MAD1L1: variants seen among roughly 807,000 people sequenced by gnomAD.
MAD1L1 encodes mitotic arrest deficient 1 like 1, also known as mitotic spindle assembly checkpoint protein MAD1.
In MAD1L1, 95 loss-of-function variants were observed where a neutral mutation model predicts 96.9. That is an observed-to-expected ratio of 0.98 (90% CI 0.83 to 1.16). MAD1L1 has a LOEUF of 1.16. MAD1L1 is among the 50% of genes most tolerant of loss of function. The probability of loss-of-function intolerance (pLI) is 0.00; values close to 1 mark genes in which losing one functional copy is unlikely to be tolerated. For synonymous variants in MAD1L1, 473 were observed against 396.6 expected, an observed-to-expected ratio of 1.19 and a Z score of -2.29; for missense variants, 1,007 against 954.4, an observed-to-expected ratio of 1.06 and a Z score of -0.73.
At chr7:1,824,409 C>T (rs1438056177) in intron 18 of MAD1L1, among the ~76,000 whole-genome samples, 2 of 152,140 alleles carry the variant, frequency 1.3e-5, no homozygotes, top group Non-Finnish European at 2.9e-5. Flanking sequence ...AAGTCAGGTG[C>T]GTAAAATCAC....
Position 1,887,772 on chromosome 7 carries a change from C to T in MAD1L1, c.1998+10428G>A, listed in dbSNP as rs991636420. On this transcript the variant is annotated intron_variant, in intron 18 of 18. Coordinates refer to ENST00000265854, the MANE Select transcript of MAD1L1 (RefSeq NM_001013836.2). ...ATGTGTCCATGTGTGCATGTGGCTG[C>T]CTGTGTGTGTGCATGTGTGCATGTA... 1.2e-4 allele frequency among the ~76,000 whole-genome samples: 15 copies of T among 125,584 alleles called. No homozygotes were observed. The South Asian group carries it at 2.6e-3, about 22-fold the overall frequency. 82.4% of individuals were successfully genotyped at this position (125,584 alleles called of 152,430 possible). A position where few individuals can be genotyped will look rare whatever the true frequency, so the allele number is the denominator to read the frequency against.
rs141336578 is a variant in MAD1L1 at position 1,968,193 on chromosome 7, C to T, written c.1506-10474G>A. Reference sequence around the variant, plus strand: ...CGCGGACGAGGCACCCGGCAGAGCACGCCTCAATCCGGCGGTCAGGTCCAC... The same window carrying T: ...CGCGGACGAGGCACCCGGCAGAGCATGCCTCAATCCGGCGGTCAGGTCCAC... On this transcript the variant is annotated intron_variant, in intron 15 of 18. Transcript: ENST00000265854. The surrounding 1 kb of genome is among the most constrained non-coding windows in gnomAD (Gnocchi z 5.6). Among the ~76,000 whole-genome samples, 379 of 152,350 alleles carry T rather than the reference C, an allele frequency of 2.5e-3. No individual in the cohort carries two copies. Among genetic ancestry groups the T allele is most frequent in the South Asian group, 0.013 (63 of 4,826 alleles).
At chr7:2,174,169 G>C (rs1381941289) in intron 10 of MAD1L1, among the ~76,000 whole-genome samples, 1 of 152,212 alleles carries the variant, frequency 6.6e-6, no homozygotes, top group Non-Finnish European at 1.5e-5. Context: ...TGTGCCTTTA[G>C]TCTGCTCTCT....
intron 4 of MAD1L1, among the ~76,000 whole-genome samples, chr7:2,225,126 A>G (rs566797137): frequency 3.9e-5 from 6 of 152,292 alleles, no homozygotes; most frequent in Non-Finnish European, 8.8e-5. Flanking sequence ...TACCTGCCCC[A>G]CAGCATGAGT....
chr7:1,929,634 C>G (rs1208805057), intron 17 of MAD1L1, among the ~76,000 whole-genome samples: 1 of 152,056 alleles, frequency 6.6e-6, no homozygotes, highest in East Asian at 1.9e-4. Flanking sequence ...GGTCTGGGGC[C>G]CACACCAGAG....
chr7:1,831,831 G>GCACTGAATATTTTAAGCC (rs1336716110), intron 18 of MAD1L1, among the ~76,000 whole-genome samples: 1 of 152,194 alleles, frequency 6.6e-6, no homozygotes, highest in African/African-American at 2.4e-5. Flanking sequence ...GTAGCACAGT[G>GCACTGAATATTTTAAGCC]CACTGAATAT....
intron 10 of MAD1L1, among the ~76,000 whole-genome samples, chr7:2,163,778 C>G (rs891519428): frequency 1.3e-5 from 2 of 152,168 alleles, no homozygotes; most frequent in Admixed American, 1.3e-4. Context: ...CTGGAGGCAG[C>G]CTGGGCCTGG....
chr7:2,191,330 C>G (rs1420995684), intron 10 of MAD1L1, among the ~76,000 whole-genome samples: 1 of 152,172 alleles, frequency 6.6e-6, no homozygotes, highest in Non-Finnish European at 1.5e-5. Flanking sequence ...AAACAGCCCT[C>G]CTGGAAAAGT....
At chr7:2,215,838 C>T in intron 9 of MAD1L1, 47 bp downstream of exon 9, 1 of 1,564,758 alleles carries the variant, frequency 6.4e-7, no homozygotes, top group South Asian at 1.1e-5. Flanking sequence ...CTCCTCCAGG[C>T]AGGGCAGAGG....
At chr7:1,983,154 G>GCGCA (rs1781001591) in intron 14 of MAD1L1, among the ~76,000 whole-genome samples, 4 of 31,466 alleles carry the variant, frequency 1.3e-4, no homozygotes, top group African/African-American at 5.2e-4. Flanking sequence ...GCGCGCGCGC[G>GCGCA]CACACACACA....
chr7:1,817,934 C>T (rs1259702052), intron 18 of MAD1L1, among the ~76,000 whole-genome samples: 1 of 152,046 alleles, frequency 6.6e-6, no homozygotes, highest in Non-Finnish European at 1.5e-5. Context: ...GCCCTGCGAC[C>T]TGACCTGTTC....
At chr7:2,123,250 A>G (rs1228090507) in intron 11 of MAD1L1, among the ~76,000 whole-genome samples, 1 of 146,912 alleles carries the variant, frequency 6.8e-6, no homozygotes, top group African/African-American at 2.5e-5. Context: ...GCTTGCAGTG[A>G]GCCGAGATCG....
chr7:2,075,600 G>C (rs1366898498), intron 11 of MAD1L1, among the ~76,000 whole-genome samples: 2 of 152,076 alleles, frequency 1.3e-5, no homozygotes, highest in African/African-American at 4.8e-5. Flanking sequence ...ATCAATCAAT[G>C]GCTCTCTGAG....
intron 14 of MAD1L1, among the ~76,000 whole-genome samples, chr7:1,985,586 G>A (rs1362384737): frequency 6.6e-6 from 1 of 152,222 alleles, no homozygotes; most frequent in East Asian, 1.9e-4. Flanking sequence ...TCTCAACAGC[G>A]AAGCCGCCAT....
At chr7:1,970,190 G>T (rs554386118) in intron 15 of MAD1L1, among the ~76,000 whole-genome samples, 3 of 152,168 alleles carry the variant, frequency 2.0e-5, no homozygotes, top group Non-Finnish European at 4.4e-5. Context: ...TCCCTGTGTG[G>T]CTGGGTGAAT....
intron 11 of MAD1L1, among the ~76,000 whole-genome samples, chr7:2,129,609 C>T (rs1055274168): frequency 1.3e-5 from 2 of 152,372 alleles, no homozygotes; most frequent in South Asian, 2.1e-4. Flanking sequence ...GATCCCATCC[C>T]TCTGGAGGCT....
At chr7:2,217,898 CA>C (rs922351575) in intron 7 of MAD1L1, 63 bp downstream of exon 7, 13 of 1,392,632 alleles carry the variant, frequency 9.3e-6, no homozygotes, top group Non-Finnish European at 1.2e-5. Flanking sequence ...GAAAGGCCGA[CA>C]GGGGCAGGAG....
chr7:2,078,521 C>G (rs557454897), intron 11 of MAD1L1, among the ~76,000 whole-genome samples: 6 of 152,244 alleles, frequency 3.9e-5, no homozygotes, highest in Non-Finnish European at 8.8e-5. Flanking sequence ...AGATTCAGAT[C>G]AGAGTTTATG....
At chr7:1,970,762 G>A (rs571133565) in intron 15 of MAD1L1, among the ~76,000 whole-genome samples, 1 of 152,314 alleles carries the variant, frequency 6.6e-6, no homozygotes, top group South Asian at 2.1e-4. Context: ...GGGGAATGGT[G>A]GTAGAATTGT....
Sources: gnomAD v4.1 joint callset for allele counts (sites outside exome capture counted in the v4.1 genomes callset) on GRCh38, gnomAD v4.1.1 for gene constraint, Gnocchi (gnomAD v3.1) non-coding constraint, MANE v1.5 for transcripts, NCBI Gene and HGNC (gene_info 2026-07-23, HGNC 2026-07-21) for gene names.